The following MCUB variants were observed in gnomAD, a reference collection of about 807,000 sequenced individuals.
The protein encoded by MCUB is mitochondrial calcium uniporter dominant negative subunit beta, also known as calcium uniporter regulatory subunit MCUb, mitochondrial.
A neutral mutation model predicts 41.4 loss-of-function variants in MCUB; 46 were observed. The ratio of observed to expected loss-of-function variants is 1.11; its 90% CI spans 0.88 to 1.42. The LOEUF is 1.42. Ranked by LOEUF, MCUB falls within the 40% of genes most tolerant of loss-of-function variation. The pLI, the probability that MCUB is intolerant of heterozygous loss-of-function variation, is 0.00. For missense variants in MCUB, 403 were observed against 404.9 expected, an observed-to-expected ratio of 1.00 and a Z score of 0.04; for synonymous variants, 148 against 148.2, an observed-to-expected ratio of 1.00 and a Z score of 0.01.
intron 1 of MCUB, among the ~76,000 whole-genome samples, chr4:109,602,875 TG>T (rs1345671876): frequency 2.6e-5 from 4 of 152,312 alleles, no homozygotes; most frequent in Admixed American, 6.5e-5. Flanking sequence ...GTCCGCTTCT[TG>T]CATCTATGAT....
chr4:109,583,259 T>A (rs529833566), intron 1 of MCUB, among the ~76,000 whole-genome samples: 2 of 152,336 alleles, frequency 1.3e-5, no homozygotes, highest in Admixed American at 6.5e-5. Flanking sequence ...TTTGTAGTTG[T>A]CCTTGAAGAG....
chr4:109,610,672 T>C (rs1727990931), intron 1 of MCUB, among the ~76,000 whole-genome samples: 1 of 152,166 alleles, frequency 6.6e-6, no homozygotes, highest in Non-Finnish European at 1.5e-5. Context: ...TTCTGAGAAG[T>C]GCATCCTTAG....
Position 109,660,334 on chromosome 4 carries a change from G to C in MCUB, c.315G>C (p.Lys105Asn). The C allele has an allele frequency of 6.2e-7, 1 of 1,608,378 alleles. No individual in the cohort carries two copies. Among genetic ancestry groups the C allele is most frequent in the East Asian group, 2.2e-5 (1 of 44,806 alleles). The change falls in exon 3 of 8, where the codon AAG (lysine) becomes AAC (asparagine). Residue 105 changes from lysine (K) to asparagine (N), a missense_variant. By Grantham distance (94) the Lys-to-Asn change is moderately conservative (BLOSUM62 0). Transcript: ENST00000394650. Reference protein sequence around the residue: ...SFLQDLQNEDKGIKTAAIFTA... With the variant: ...SFLQDLQNEDNGIKTAAIFTA... ...TTCAGGACCTACAAAATGAAGATAA[G>C]GGTATCAAAACTGCAGCCATCTTCA...
intron 1 of MCUB, among the ~76,000 whole-genome samples, chr4:109,635,721 G>A (rs1054920807): frequency 6.6e-6 from 1 of 151,372 alleles, no homozygotes; most frequent in African/African-American, 2.4e-5. Context: ...CTTCCTTCTC[G>A]CCTATTAAAT....
At chr4:109,683,862 A>G (rs993564731) in intron 5 of MCUB, among the ~76,000 whole-genome samples, 1 of 152,170 alleles carries the variant, frequency 6.6e-6, no homozygotes, top group African/African-American at 2.4e-5. Flanking sequence ...GTTTCAGAGG[A>G]TGACTTCTGA....
At chr4:109,591,209 A>G (rs1035333802) in intron 1 of MCUB, among the ~76,000 whole-genome samples, 1 of 148,090 alleles carries the variant, frequency 6.8e-6, no homozygotes, top group Non-Finnish European at 1.5e-5. Context: ...TTCCTTTGAG[A>G]CAGTCTCACT....
chr4:109,601,672 A>G (rs1438244115), intron 1 of MCUB, among the ~76,000 whole-genome samples: 1 of 152,142 alleles, frequency 6.6e-6, no homozygotes, highest in Non-Finnish European at 1.5e-5. Flanking sequence ...AATCTTGGCT[A>G]TTGTGAACAG....
At chr4:109,669,134 TG>T (rs1729403947) in intron 4 of MCUB, among the ~76,000 whole-genome samples, 2 of 152,192 alleles carry the variant, frequency 1.3e-5, no homozygotes, top group African/African-American at 4.8e-5. Flanking sequence ...TCTTTCTTTC[TG>T]TAGAGCTAAA....
chr4:109,660,455 T>C, intron 3 of MCUB, 90 bp downstream of exon 3: 1 of 620,006 alleles, frequency 1.6e-6, no homozygotes, highest in Non-Finnish European at 2.7e-6. Flanking sequence ...AGAAGTACAT[T>C]GTTTAATTCA....
intron 1 of MCUB, among the ~76,000 whole-genome samples, chr4:109,599,713 C>T (rs528999166): frequency 6.6e-6 from 1 of 152,044 alleles, no homozygotes; most frequent in African/African-American, 2.4e-5. Context: ...CTCTGTCGCC[C>T]AGGCTGGAAC....
chr4:109,565,791 C>T (rs1726759845), intron 1 of MCUB, among the ~76,000 whole-genome samples: 1 of 151,348 alleles, frequency 6.6e-6, no homozygotes, highest in Non-Finnish European at 1.5e-5. Context: ...GAGAGACTTA[C>T]TCTAATTCAT....
rs142663990 is a variant in MCUB at position 109,589,602 on chromosome 4, AT to A, written c.99+29168del. Among the ~76,000 whole-genome samples, 1,006 of 152,270 alleles carry A rather than the reference AT, an allele frequency of 6.6e-3. 12 individuals carry two copies. Among genetic ancestry groups the A allele is most frequent in the African/African-American group, 0.023 (957 of 41,546 alleles). On this transcript the variant is annotated intron_variant, in intron 1 of 7. Transcript: ENST00000394650. ...ACACAGAGACAGATTGTTTTATTGA[AT>A]TGAGTCCCTTCAGTAGTGTTCACAC...
At chr4:109,597,180 C>T (rs1727577978) in intron 1 of MCUB, among the ~76,000 whole-genome samples, 1 of 152,140 alleles carries the variant, frequency 6.6e-6, no homozygotes, top group South Asian at 2.1e-4. Flanking sequence ...CTTTTCCCCA[C>T]CTTTCCCCCC....
At chr4:109,658,432 G>T (rs1372939721) in intron 1 of MCUB, among the ~76,000 whole-genome samples, 1 of 152,008 alleles carries the variant, frequency 6.6e-6, no homozygotes, top group East Asian at 1.9e-4. Flanking sequence ...CGAGTAGCTG[G>T]GATTACAGGC....
chr4:109,606,423 T>C (rs1463420370), intron 1 of MCUB, among the ~76,000 whole-genome samples: 1 of 152,192 alleles, frequency 6.6e-6, no homozygotes, highest in Non-Finnish European at 1.5e-5. Flanking sequence ...TGTGGTTTTC[T>C]CTTCCTTCTT....
intron 1 of MCUB, among the ~76,000 whole-genome samples, chr4:109,567,042 T>C (rs1458080347): frequency 6.6e-6 from 1 of 150,380 alleles, no homozygotes; most frequent in Non-Finnish European, 1.5e-5. Flanking sequence ...GAAGAGTAGA[T>C]GTCTTTTTTG....
intron 1 of MCUB, among the ~76,000 whole-genome samples, chr4:109,595,413 T>G (rs1727531270): frequency 6.6e-6 from 1 of 152,092 alleles, no homozygotes; most frequent in Non-Finnish European, 1.5e-5. Flanking sequence ...CCTTATCATA[T>G]CTGAAGAAAT....
At chr4:109,686,544 C>T (rs945223675) in intron 7 of MCUB, among the ~76,000 whole-genome samples, 3 of 152,154 alleles carry the variant, frequency 2.0e-5, no homozygotes, top group African/African-American at 7.2e-5. Flanking sequence ...ATAATCCTAT[C>T]TGAGAAGGCT....
chr4:109,669,871 C>A (rs974827232), intron 4 of MCUB, among the ~76,000 whole-genome samples: 3 of 152,112 alleles, frequency 2.0e-5, no homozygotes, highest in Non-Finnish European at 4.4e-5. Context: ...TATTTAGATT[C>A]TTTCTTAGAA....
Sources: gnomAD v4.1 joint callset for allele counts (sites outside exome capture counted in the v4.1 genomes callset) on GRCh38, gnomAD v4.1.1 for gene constraint, MANE v1.5 for transcripts, NCBI Gene and HGNC (gene_info 2026-07-23, HGNC 2026-07-21) for gene names.